Variants in CEBPE observed in about 807,000 individuals in gnomAD.
The protein encoded by CEBPE is CCAAT/enhancer-binding protein epsilon.
CEBPE carries 10 observed loss-of-function variants against 20.4 expected under a neutral mutation model. That is an observed-to-expected ratio of 0.49 (90% confidence interval 0.30 to 0.83). The LOEUF (loss-of-function observed/expected upper bound fraction) is 0.83. Ranked by LOEUF, CEBPE falls within the 40% of genes least tolerant of loss-of-function variation. The pLI is 0.06. For synonymous variants in CEBPE, 179 were observed against 162.6 expected, an observed-to-expected ratio of 1.10 and a Z score of -0.77; for missense variants, 389 against 383.3, an observed-to-expected ratio of 1.01 and a Z score of -0.12.
rs758945711 is a variant in CEBPE at position 23,118,685 on chromosome 14, C to T, written c.407G>A (p.Gly136Asp). 1.1e-5 allele frequency: 17 copies of T among 1,613,076 alleles called. No individual in the cohort carries two copies. The highest frequency in any genetic ancestry group is 1.7e-5 in the Admixed American group (1 of 59,994). Reference protein sequence around the residue: ...GPEGSRAASRGSYNPLQYQVA... With the variant: ...GPEGSRAASRDSYNPLQYQVA... ...TTGGTACTGCAGGGGATTGTAGCTG[C>T]CTCGGCTGGCAGCTCGGCTGCCCTC... The change falls in exon 1 of 2, where the codon GGC becomes GAC. Residue 136 changes from glycine to aspartate, a missense_variant. Gly to Asp is a moderately conservative substitution (Grantham distance 94). Transcript: ENST00000206513. The surrounding 1 kb of genome is among the most constrained non-coding windows in gnomAD (Gnocchi z 5.5).
rs765886483 is a variant in CEBPE, at chr14:23,118,792, C to T, written c.300G>A (p.Lys100=). ...YPPHTFGPDR[K]ALGPGIYSSP... ...TGCTGTAGATGCCAGGCCCCAGCGC[C>T]TTCCTGTCTGGGCCGAAGGTATGTG... The change falls in exon 1 of 2, where the codon AAG becomes AAA. Residue 100 remains lysine, a synonymous_variant. Coordinates refer to ENST00000206513, the MANE Select transcript of CEBPE (RefSeq NM_001805.4). The surrounding 1 kb of genome is among the most constrained non-coding windows in gnomAD (Gnocchi z 5.5). The T allele has an allele frequency of 1.2e-6, 2 of 1,612,878 alleles. No homozygotes were observed. The highest frequency in any genetic ancestry group is 2.7e-5 in the African/African-American group (2 of 74,810).
Position 23,118,947 on chromosome 14 carries a change from C to T in CEBPE, c.145G>A (p.Gly49Arg), listed in dbSNP as rs1301261529. The stretch of plus-strand genomic sequence containing the variant: ...AGATCGGAGAGAAGCTGCTCTTCCC[C>T]AGACTCGATGTAGGCGGAGAGGTCA... The part of the protein sequence containing the change: ...SIDLSAYIES[G>R]EEQLLSDLFA... Residue 49 changes from glycine (G) to arginine (R), a missense_variant, in exon 1 of 2, where the codon GGG becomes AGG. Transcript: ENST00000206513. This position sits in a 1 kb window ranked among gnomAD's most constrained non-coding sequence, Gnocchi z 5.5. 2.5e-6 allele frequency: 4 copies of T among 1,613,952 alleles called. No homozygotes were observed. Among genetic ancestry groups the T allele is most frequent in the Admixed American group, 3.3e-5 (2 of 60,014 alleles).
rs942911403 is a variant in CEBPE, at chr14:23,119,067, A to C, written c.25T>G (p.Cys9Gly). 5.0e-6 allele frequency: 8 copies of C among 1,607,852 alleles called. No individual in the cohort carries two copies. Among genetic ancestry groups the C allele is most frequent in the Non-Finnish European group, 5.1e-6 (6 of 1,178,948 alleles). Residue 9 changes from cysteine (C) to glycine (G), a missense_variant, in exon 1 of 2, where the codon TGT (cysteine) becomes GGT (glycine). Transcript: ENST00000206513. MSHGTYYE[C>G]EPRGGQQPLE... ...GGCTGCTGGCCACCCCGGGGCTCAC[A>C]CTCGTAGTAGGTCCCGTGGGACATG...
In CEBPE at chr14:23,117,412, G is replaced by A. The variant is rs1253864684; in HGVS notation, c.*75C>T. On this transcript the variant is annotated 3_prime_UTR_variant, in exon 2 of 2. Coordinates refer to ENST00000206513, the MANE Select transcript of CEBPE (RefSeq NM_001805.4). ...CCATGGTCTATGTCTCAGGGTTCTA[G>A]GCCCCCAGCAGGATGGGGGTCCGCA... is the stretch of plus-strand genomic sequence containing the variant. 1 of 1,478,978 alleles carries A rather than the reference G, an allele frequency of 6.8e-7. No individual in the cohort carries two copies. The highest frequency in any genetic ancestry group is 9.2e-7 in the Non-Finnish European group (1 of 1,087,982). The allele number at this position is 1,478,978 out of a possible 1,614,324, so 91.6% of individuals were successfully genotyped here.
chr14:23,117,600 G>A lies in CEBPE; in HGVS notation c.733C>T (p.Arg245Cys), dbSNP rs761128015. ...KVLEYMAENE[R>C]LRSRVEQLTQ... ...AGCTGCTCCACGCGGCTGCGGAGGC[G>A]CTCGTTCTCTGCCATGTACTCCAGC... The change falls in exon 2 of 2, where the codon CGC becomes TGC. Residue 245 changes from arginine (R) to cysteine (C), a missense_variant. By Grantham distance (180) the Arg-to-Cys change is radical. Coordinates refer to ENST00000206513, the MANE Select transcript of CEBPE (RefSeq NM_001805.4). The A allele has an allele frequency of 1.2e-6, 2 of 1,613,990 alleles. No homozygotes were observed. Among genetic ancestry groups the A allele is most frequent in the Non-Finnish European group, 1.7e-6 (2 of 1,180,054 alleles).
rs903778383 is a variant in CEBPE, at chr14:23,119,223, C to G, written c.-132G>C. 7 of 649,932 alleles carry G rather than the reference C, an allele frequency of 1.1e-5. No homozygotes were observed. In the African/African-American group the frequency reaches 1.3e-4, roughly 12 times the overall value. 40.3% of individuals were successfully genotyped at this position (649,932 alleles called of 1,614,324 possible). A position where few individuals can be genotyped will look rare whatever the true frequency, so the allele number is the denominator to read the frequency against. ...CTCGATCTTCTGCCCTAGACCTGCC[C>G]TCTGCAGTCTCCTCTGTCACCCACT... is the stretch of plus-strand genomic sequence containing the variant. On this transcript the variant is annotated 5_prime_UTR_variant, in exon 1 of 2. Transcript: ENST00000206513.
In CEBPE at chr14:23,118,682, C is replaced by T. The variant is rs140606768; in HGVS notation, c.410G>A (p.Ser137Asn). The T allele has an allele frequency of 1.9e-4, 304 of 1,613,064 alleles. No individual in the cohort carries two copies. Among genetic ancestry groups the T allele is most frequent in the Non-Finnish European group, 2.4e-4 (283 of 1,179,952 alleles). ...CACTTGGTACTGCAGGGGATTGTAG[C>T]TGCCTCGGCTGGCAGCTCGGCTGCC... ...PEGSRAASRG[S>N]YNPLQYQVAH... is the part of the protein sequence containing the mutation. Residue 137 changes from serine (S) to asparagine (N), a missense_variant, in exon 1 of 2, where the codon AGC becomes AAC. This residue lies in a region of CEBPE where 294 missense variants were observed against 279.7 expected (regional missense o/e 1.05). Coordinates refer to ENST00000206513, the MANE Select transcript of CEBPE (RefSeq NM_001805.4). This position sits in a 1 kb window ranked among gnomAD's most constrained non-coding sequence, Gnocchi z 5.5.
Position 23,118,068 on chromosome 14 carries a change from CT to C in CEBPE, c.511-247del, listed in dbSNP as rs1253385033. Among the ~76,000 whole-genome samples the C allele has an allele frequency of 6.6e-6, 1 of 151,866 alleles. No individual in the cohort carries two copies. The highest frequency in any genetic ancestry group is 1.5e-5 in the Non-Finnish European group (1 of 68,006). On this transcript the variant is annotated intron_variant, in intron 1 of 1. Coordinates refer to ENST00000206513, the MANE Select transcript of CEBPE (RefSeq NM_001805.4). This position sits in a 1 kb window ranked among gnomAD's most constrained non-coding sequence, Gnocchi z 5.5. The stretch of plus-strand genomic sequence containing the variant: ...TCATGTTCTCACACTTTCTTTCTTT[CT>C]TTTTTTGTAAAGATGGAGCCTTGCT...
In CEBPE at chr14:23,119,202, A is replaced by G; in HGVS notation, c.-111T>C. The G allele has an allele frequency of 1.4e-6, 1 of 736,480 alleles. No individual in the cohort carries two copies. The highest frequency in any genetic ancestry group is 2.3e-6 in the Non-Finnish European group (1 of 440,894). The allele number at this position is 736,480 out of a possible 1,614,324, so 45.6% of individuals were successfully genotyped here. A position where few individuals can be genotyped will look rare whatever the true frequency, so the allele number is the denominator to read the frequency against. ...CCTGACCTGGGCCTGCCCTCTCTCG[A>G]TCTTCTGCCCTAGACCTGCCCTCTG... On this transcript the variant is annotated 5_prime_UTR_variant, in exon 1 of 2. Transcript: ENST00000206513.
At position 23,117,654 on chromosome 14, in the gene CEBPE, T is replaced by C. The variant is rs780345897; in HGVS notation, c.679A>G (p.Arg227Gly). 6.2e-7 allele frequency: 1 copy of C among 1,614,248 alleles called. No individual in the cohort carries two copies. The highest frequency in any genetic ancestry group is 8.5e-7 in the Non-Finnish European group (1 of 1,180,046). ...AVRKSRDKAK[R>G]RILETQQKVL... is the part of the protein sequence containing the mutation. Reference sequence around the variant, plus strand: ...TTCTGCTGCGTCTCCAGAATGCGCCTCTTGGCCTTGTCTCGGCTCTTGCGC... The same window carrying C: ...TTCTGCTGCGTCTCCAGAATGCGCCCCTTGGCCTTGTCTCGGCTCTTGCGC... The change falls in exon 2 of 2, where the codon AGG becomes GGG. Residue 227 changes from arginine (R) to glycine (G), a missense_variant. This residue lies in a region of CEBPE where 87 missense variants were observed against 78.5 expected (regional missense o/e 1.11). Coordinates refer to ENST00000206513, the MANE Select transcript of CEBPE (RefSeq NM_001805.4).
In CEBPE at chr14:23,118,068, C is replaced by CT. The variant is rs1253385033; in HGVS notation, c.511-247dup. On this transcript the variant is annotated intron_variant, in intron 1 of 1. Coordinates refer to ENST00000206513, the MANE Select transcript of CEBPE (RefSeq NM_001805.4). The surrounding 1 kb of genome is among the most constrained non-coding windows in gnomAD (Gnocchi z 5.5). ...TCATGTTCTCACACTTTCTTTCTTTCTTTTTTTGTAAAGATGGAGCCTTGC... is the reference window on the plus strand; with the variant it reads ...TCATGTTCTCACACTTTCTTTCTTTCTTTTTTTTGTAAAGATGGAGCCTTGC... Among the ~76,000 whole-genome samples, 9 of 151,986 alleles carry CT rather than the reference C, an allele frequency of 5.9e-5. No individual in the cohort carries two copies. In the South Asian group the frequency reaches 1.0e-3, roughly 18 times the overall value.
Position 23,118,596 on chromosome 14 carries a change from G to C in CEBPE, c.496C>G (p.Leu166Val), listed in dbSNP as rs1273577069. The change falls in exon 1 of 2, where the codon CTG becomes GTG. Residue 166 changes from leucine to valine, a missense_variant. Physicochemically the swap from Leu to Val is conservative, Grantham distance 32. Transcript: ENST00000206513. The surrounding 1 kb of genome is among the most constrained non-coding windows in gnomAD (Gnocchi z 5.5). ...CCTGCTCTTACCTTGAGAACGCGCA[G>C]AGGCTGGCCGGGTGCTGCCAGAGTT... Reference protein sequence around the residue: ...PPTLAAPGQPLRVLKAPLATA... With the variant: ...PPTLAAPGQPVRVLKAPLATA... 2 of 1,609,322 alleles carry C rather than the reference G, an allele frequency of 1.2e-6. No individual in the cohort carries two copies. Among genetic ancestry groups the C allele is most frequent in the South Asian group, 2.2e-5 (2 of 90,928 alleles).
Position 23,118,495 on chromosome 14 carries a change from T to A in CEBPE, c.510+87A>T, listed in dbSNP as rs1220646238. ...TCACAGAGCGACACCAAGCACAGGC[T>A]CAGCAGCATGAGCCGGGGCACAGGG... On this transcript the variant is annotated intron_variant, in intron 1 of 1. Coordinates refer to ENST00000206513, the MANE Select transcript of CEBPE (RefSeq NM_001805.4). The surrounding 1 kb of genome is among the most constrained non-coding windows in gnomAD (Gnocchi z 5.5). 2.0e-6 allele frequency: 3 copies of A among 1,482,594 alleles called. No homozygotes were observed. Among genetic ancestry groups the A allele is most frequent in the Non-Finnish European group, 2.7e-6 (3 of 1,110,754 alleles). 91.8% of individuals were successfully genotyped at this position (1,482,594 alleles called of 1,614,324 possible).
chr14:23,117,472 A>G lies in CEBPE; in HGVS notation c.*15T>C, dbSNP rs112420613. 3.6e-4 allele frequency: 581 copies of G among 1,604,136 alleles called. 3 individuals carry two copies. In the African/African-American group the frequency reaches 6.6e-3, roughly 18 times the overall value. ...CGTGCCAGGGAGCCTGGTGCCCACA[A>G]TCCACCAGCCAGCCTCAGCTGCAAC... is the stretch of plus-strand genomic sequence containing the variant. On this transcript the variant is annotated 3_prime_UTR_variant, in exon 2 of 2. Coordinates refer to ENST00000206513, the MANE Select transcript of CEBPE (RefSeq NM_001805.4).
In CEBPE at chr14:23,118,432, TG is replaced by T; in HGVS notation, c.510+149del. ...ACAGAGAAGGAAAGGGAGGTCATGG[TG>T]GGGTGTGAACACAGAGGACTGTGGG... On this transcript the variant is annotated intron_variant, in intron 1 of 1. Transcript: ENST00000206513. The surrounding 1 kb of genome is among the most constrained non-coding windows in gnomAD (Gnocchi z 5.5). 1 of 935,946 alleles carries T rather than the reference TG, an allele frequency of 1.1e-6. No homozygotes were observed. Among genetic ancestry groups the T allele is most frequent in the Non-Finnish European group, 1.5e-6 (1 of 647,048 alleles). 58.0% of individuals were successfully genotyped at this position (935,946 alleles called of 1,614,324 possible).
At position 23,118,835 on chromosome 14, in the gene CEBPE, C is replaced by T. The variant is rs767715396; in HGVS notation, c.257G>A (p.Arg86Gln). The change falls in exon 1 of 2, where the codon CGG becomes CAG. Residue 86 changes from arginine (R) to glutamine (Q), a missense_variant. By Grantham distance (43) the Arg-to-Gln change is conservative. This residue lies in a region of CEBPE where 294 missense variants were observed against 279.7 expected (regional missense o/e 1.05). Coordinates refer to ENST00000206513, the MANE Select transcript of CEBPE (RefSeq NM_001805.4). The surrounding 1 kb of genome is among the most constrained non-coding windows in gnomAD (Gnocchi z 5.5). ...GGTATGTGGAGGGTAGGCAAAGGGCCGAGGGTCAGGCGGCAAGTAGTGGGG... is the reference window on the plus strand; with the variant it reads ...GGTATGTGGAGGGTAGGCAAAGGGCTGAGGGTCAGGCGGCAAGTAGTGGGG... ...AFPHYLPPDP[R>Q]PFAYPPHTFG... 6.2e-6 allele frequency: 10 copies of T among 1,613,854 alleles called. No homozygotes were observed. Among genetic ancestry groups the T allele is most frequent in the Non-Finnish European group, 8.5e-6 (10 of 1,179,904 alleles).
At position 23,118,639 on chromosome 14, in the gene CEBPE, T is replaced by G. The variant is rs750524092; in HGVS notation, c.453A>C (p.Thr151=). ...CCAGAGTTGGGGGCAGGTGCATGGC[T>G]GTCTGCCCACAGTGTGCCACTTGGT... The part of the protein sequence containing the change: ...LQYQVAHCGQ[T]AMHLPPTLAA... Residue 151 remains threonine (T), a synonymous_variant, in exon 1 of 2, where the codon ACA becomes ACC. Coordinates refer to ENST00000206513, the MANE Select transcript of CEBPE (RefSeq NM_001805.4). This position sits in a 1 kb window ranked among gnomAD's most constrained non-coding sequence, Gnocchi z 5.5. 26 of 1,611,662 alleles carry G rather than the reference T, an allele frequency of 1.6e-5. No individual in the cohort carries two copies. In the East Asian group the frequency reaches 5.8e-4, roughly 36 times the overall value.
Position 23,118,953 on chromosome 14 carries a change from C to T in CEBPE, c.139G>A (p.Glu47Lys), listed in dbSNP as rs772148374. 9 of 1,614,042 alleles carry T rather than the reference C, an allele frequency of 5.6e-6. No homozygotes were observed. The highest frequency in any genetic ancestry group is 1.1e-5 in the South Asian group (1 of 91,086). Residue 47 changes from glutamate to lysine, a missense_variant, in exon 1 of 2, where the codon GAG (glutamate) becomes AAG (lysine). Physicochemically the swap from Glu to Lys is moderately conservative, Grantham distance 56. Around this residue, in one of 3 missense-constraint regions of CEBPE, gnomAD observed 294 missense variants for 279.7 expected, o/e 1.05. Coordinates refer to ENST00000206513, the MANE Select transcript of CEBPE (RefSeq NM_001805.4). This position sits in a 1 kb window ranked among gnomAD's most constrained non-coding sequence, Gnocchi z 5.5. ...GAGAGAAGCTGCTCTTCCCCAGACT[C>T]GATGTAGGCGGAGAGGTCAATGGAG... ...EASIDLSAYIESGEEQLLSDL... is the reference protein window; with the variant it reads ...EASIDLSAYIKSGEEQLLSDL...
In CEBPE at chr14:23,119,074, G is replaced by A. The variant is rs776516349; in HGVS notation, c.18C>T (p.Tyr6=). ...GGCCACCCCGGGGCTCACACTCGTA[G>A]TAGGTCCCGTGGGACATGGCCGGCC... The part of the protein sequence containing the change: MSHGT[Y]YECEPRGGQQ... Residue 6 remains tyrosine, a synonymous_variant, in exon 1 of 2, where the codon TAC becomes TAT. Transcript: ENST00000206513. 6.2e-7 allele frequency: 1 copy of A among 1,606,462 alleles called. No individual in the cohort carries two copies. The highest frequency in any genetic ancestry group is 8.5e-7 in the Non-Finnish European group (1 of 1,178,600).
Sources: allele counts gnomAD v4.1 joint callset (sites outside exome capture counted in the v4.1 genomes callset), GRCh38; gene constraint gnomAD v4.1.1; regional missense constraint gnomAD v4.1.1; non-coding constraint Gnocchi (gnomAD v3.1); transcripts MANE v1.5; gene names NCBI Gene and HGNC (gene_info 2026-07-23, HGNC 2026-07-21).